FAAP20: variants seen among roughly 807,000 people sequenced by gnomAD.
The protein encoded by FAAP20 is FA core complex associated protein 20.
FAAP20 carries 12 observed loss-of-function variants against 16.2 expected under a neutral mutation model. The ratio of observed to expected loss-of-function variants is 0.74; its 90% CI spans 0.48 to 1.20. The LOEUF is 1.20. Among genes scored for constraint, FAAP20 ranks in the 50% most tolerant of loss-of-function variants. The pLI, the probability that FAAP20 is intolerant of heterozygous loss-of-function variation, is 0.00. For synonymous variants in FAAP20, 141 were observed against 110.7 expected (o/e 1.27, Z -1.72); for missense variants, 288 against 245.8 (o/e 1.17, Z -1.15).
upstream of FAAP20, chr1:2,203,816 T>C (rs2100745792): frequency 4.8e-6 from 1 of 207,660 alleles, no homozygotes; most frequent in South Asian, 1.7e-4. Flanking sequence ...TGCTGTCGCG[T>C]GGCCCCACTT....
chr1:2,188,992 G>C (rs562548757), downstream of FAAP20, among the ~76,000 whole-genome samples: 7 of 135,958 alleles, frequency 5.1e-5, no homozygotes, highest in African/African-American at 8.5e-5. Context: ...GCGACAGAGC[G>C]AGACTCCGTC....
At chr1:2,190,664 G>A (rs1015884327) in intron 3 of FAAP20, 10 of 342,370 alleles carry the variant, frequency 2.9e-5, no homozygotes, top group Admixed American at 1.1e-4. Context: ...CTGAGTGGGC[G>A]GCTTCAGCCT....
downstream of FAAP20, among the ~76,000 whole-genome samples, chr1:2,189,230 G>T (rs1687883298): frequency 6.6e-6 from 1 of 151,582 alleles, no homozygotes; most frequent in Admixed American, 6.6e-5. Context: ...CTATTCAGGA[G>T]GCTGAGGTGG....
downstream of FAAP20, chr1:2,184,921 G>C: frequency 6.2e-7 from 1 of 1,613,550 alleles, no homozygotes; most frequent in Non-Finnish European, 8.5e-7. Context: ...TTTGCCCACA[G>C]GGATGCCATA....
chr1:2,207,511 A>C (rs1195778917), downstream of FAAP20: 1 of 152,078 alleles, frequency 6.6e-6, no homozygotes, highest in Non-Finnish European at 1.5e-5. Context: ...CCCGTCGCCC[A>C]CTCGGCATCG....
At chr1:2,201,218 C>T (rs1327789448), upstream of FAAP20, 18 of 1,211,056 alleles carry the variant, frequency 1.5e-5, no homozygotes, top group Middle Eastern at 3.6e-4. Flanking sequence ...ACGCCTCCCT[C>T]GCTGCCCCTG....
At chr1:2,188,925 A>G (rs1477476989), downstream of FAAP20, among the ~76,000 whole-genome samples, 111 of 150,402 alleles carry the variant, frequency 7.4e-4, no homozygotes, top group Non-Finnish European at 1.2e-3. Context: ...GAATGGCGTG[A>G]ACCCGGGAGG....
At chr1:2,185,162 G>A (rs1025731606), downstream of FAAP20, 6 of 772,074 alleles carry the variant, frequency 7.8e-6, no homozygotes, top group Admixed American at 6.2e-5. Context: ...AGCGGGCGCT[G>A]CTGGGAGCAG....
chr1:2,198,188 G>A (rs888174345), upstream of FAAP20: 1 of 1,260,478 alleles, frequency 7.9e-7, no homozygotes, highest in Non-Finnish European at 1.0e-6. Context: ...CGTGCACAGT[G>A]GAAATGAGTT....
At chr1:2,185,388 A>G, downstream of FAAP20, 1 of 718,862 alleles carries the variant, frequency 1.4e-6, no homozygotes, top group Non-Finnish European at 2.6e-6. Flanking sequence ...TGTTCCGATG[A>G]TGTGGAAGCT....
At chr1:2,211,172 C>T (rs1388889530), downstream of FAAP20, among the ~76,000 whole-genome samples, 2 of 151,842 alleles carry the variant, frequency 1.3e-5, no homozygotes, top group African/African-American at 2.4e-5. Flanking sequence ...CCCCTGCCGC[C>T]ATGCCACTGC....
downstream of FAAP20, among the ~76,000 whole-genome samples, chr1:2,209,532 G>T (rs1388806090): frequency 6.6e-6 from 1 of 152,178 alleles, no homozygotes; most frequent in African/African-American, 2.4e-5. Flanking sequence ...AGCGCCCTCA[G>T]GGCCCAGCCC....
downstream of FAAP20, chr1:2,187,205 G>A (rs1036854426): frequency 1.7e-5 from 8 of 470,594 alleles, no homozygotes; most frequent in Non-Finnish European, 3.1e-5. Context: ...ATCCATGAAA[G>A]ACTTTAATGG....
At chr1:2,189,912 G>A (rs1687986043) in intron 3 of FAAP20, 131 bp from the exon 4 acceptor site, 3 of 748,072 alleles carry the variant, frequency 4.0e-6, no homozygotes, top group East Asian at 5.3e-5. Context: ...ACAAGGGACG[G>A]GGCCACCCCA....
At chr1:2,205,937 T>C (rs986696744) in intron 3 of FAAP20, among the ~76,000 whole-genome samples, 1 of 152,236 alleles carries the variant, frequency 6.6e-6, no homozygotes, top group Non-Finnish European at 1.5e-5. Flanking sequence ...CTTCATTCCT[T>C]TTCGGTCTGA....
intron 3 of FAAP20, chr1:2,192,811 G>A (rs1230624682): frequency 8.6e-7 from 1 of 1,166,310 alleles, no homozygotes; most frequent in Non-Finnish European, 1.1e-6. Flanking sequence ...TGTTGCCCAG[G>A]CTGGTCTCAA....
upstream of FAAP20, chr1:2,212,650 T>C: frequency 4.5e-6 from 1 of 221,644 alleles, no homozygotes; most frequent in South Asian, 5.2e-5. Context: ...TCAGGGTGGG[T>C]AAAAATAGCA....
chr1:2,190,344 C>T (rs1389233579), intron 3 of FAAP20: 3 of 456,186 alleles, frequency 6.6e-6, no homozygotes, highest in South Asian at 3.1e-5. Flanking sequence ...GGCCCCTGCA[C>T]CTCTCAGGAG....
At chr1:2,198,101 C>T, upstream of FAAP20, 1 of 1,291,268 alleles carries the variant, frequency 7.7e-7, no homozygotes, top group Non-Finnish European at 1.0e-6. Context: ...GAAAACGCTC[C>T]ACTTCTTCGG....
Sources: gnomAD v4.1 joint callset for allele counts (sites outside exome capture counted in the v4.1 genomes callset) on GRCh38, gnomAD v4.1.1 for gene constraint, MANE v1.5 for transcripts, NCBI Gene and HGNC (gene_info 2026-07-23, HGNC 2026-07-21) for gene names.